ZNRF3: variants seen among roughly 807,000 people sequenced by gnomAD.
ZNRF3 encodes zinc and ring finger 3, also known as E3 ubiquitin-protein ligase ZNRF3.
ZNRF3 carries 23 observed loss-of-function variants against 72.5 expected under a neutral mutation model. The observed-to-expected ratio is 0.32, with a 90% CI of 0.23 to 0.45. ZNRF3 has a LOEUF of 0.45. ZNRF3 is among the 20% of genes least tolerant of loss of function. The pLI is 1.00. For missense variants in ZNRF3, 1,169 were observed against 1,272.1 expected (o/e 0.92, Z 1.23); for synonymous variants, 610 against 545.3 (o/e 1.12, Z -1.65).
chr22:29,043,218 C>T, intron 3 of ZNRF3, 81 bp from the exon 4 acceptor site: 2 of 1,478,940 alleles, frequency 1.4e-6, no homozygotes, highest in Non-Finnish European at 9.1e-7. Context: ...ATTCAGTGTT[C>T]CTTCCCTCCA....
At chr22:28,989,944 T>G (rs78312040) in intron 2 of ZNRF3, among the ~76,000 whole-genome samples, 29 of 152,380 alleles carry the variant, frequency 1.9e-4, no homozygotes, top group African/African-American at 7.0e-4. Flanking sequence ...CTCAGTTTAT[T>G]ACTGAGTGCT....
intron 1 of ZNRF3, among the ~76,000 whole-genome samples, chr22:28,907,069 G>A (rs1302342725): frequency 1.4e-5 from 2 of 148,116 alleles, no homozygotes; most frequent in African/African-American, 2.5e-5. Flanking sequence ...TGCAACCTCC[G>A]CCTCCCGGGT....
At chr22:28,955,228 C>T (rs1434369951) in intron 1 of ZNRF3, among the ~76,000 whole-genome samples, 1 of 147,914 alleles carries the variant, frequency 6.8e-6, no homozygotes. Flanking sequence ...TGTTTTGTAG[C>T]GATGGAGTCT....
At chr22:29,015,564 G>A (rs1406232929) in intron 2 of ZNRF3, among the ~76,000 whole-genome samples, 4 of 151,844 alleles carry the variant, frequency 2.6e-5, no homozygotes, top group African/African-American at 9.7e-5. Flanking sequence ...CAGCTACTCA[G>A]GAGGCTGAGG....
intron 1 of ZNRF3, among the ~76,000 whole-genome samples, chr22:28,915,819 G>A (rs2034397331): frequency 6.6e-6 from 1 of 152,182 alleles, no homozygotes; most frequent in Admixed American, 6.5e-5. Context: ...TTTTGCCTGA[G>A]TAGGTCTGAC....
intron 1 of ZNRF3, among the ~76,000 whole-genome samples, chr22:28,905,034 C>T (rs1395557532): frequency 1.3e-5 from 2 of 151,560 alleles, no homozygotes; most frequent in Non-Finnish European, 2.9e-5. Flanking sequence ...TTGATCTCCT[C>T]AAGTGATCCT....
chr22:28,913,212 A>G (rs913369636), intron 1 of ZNRF3, among the ~76,000 whole-genome samples: 5 of 152,234 alleles, frequency 3.3e-5, no homozygotes, highest in Admixed American at 2.6e-4. Flanking sequence ...GATCTATGCT[A>G]TGCATTAATG....
chr22:28,913,648 G>T (rs562310316), intron 1 of ZNRF3, among the ~76,000 whole-genome samples: 3 of 152,276 alleles, frequency 2.0e-5, no homozygotes, highest in African/African-American at 7.2e-5. Context: ...GGGTGATGGG[G>T]TATAGGGAGT....
chr22:29,042,632 CT>C (rs2036985886), intron 3 of ZNRF3, 63 bp downstream of exon 3: 2 of 1,465,156 alleles, frequency 1.4e-6, no homozygotes, highest in Non-Finnish European at 1.9e-6. Flanking sequence ...CTTTAGTGAG[CT>C]TGGCTTGTCC....
chr22:29,004,942 G>A (rs1458709549), intron 2 of ZNRF3, among the ~76,000 whole-genome samples: 5 of 152,228 alleles, frequency 3.3e-5, no homozygotes, highest in African/African-American at 4.8e-5. Flanking sequence ...TTCATTGGCC[G>A]GATTTTCCTA....
At chr22:29,021,474 C>T (rs1486911304) in intron 2 of ZNRF3, among the ~76,000 whole-genome samples, 1 of 147,050 alleles carries the variant, frequency 6.8e-6, no homozygotes, top group African/African-American at 2.5e-5. Flanking sequence ...ATTCTCCCCT[C>T]ACTCCTTGTT....
chr22:28,901,674 T>C (rs1484876578), intron 1 of ZNRF3, among the ~76,000 whole-genome samples: 2 of 141,322 alleles, frequency 1.4e-5, no homozygotes, highest in Non-Finnish European at 3.0e-5. Context: ...AGTCTTGCTC[T>C]CTCACTCAGA....
chr22:29,005,319 C>G (rs2036221891), intron 2 of ZNRF3, among the ~76,000 whole-genome samples: 1 of 152,260 alleles, frequency 6.6e-6, no homozygotes, highest in Non-Finnish European at 1.5e-5. Flanking sequence ...TGGATGCACA[C>G]ACACTTGTGG....
At position 28,961,438 on chromosome 22, in the gene ZNRF3, GA is replaced by G. The variant is rs1217060568; in HGVS notation, c.301-25635del. Among the ~76,000 whole-genome samples the G allele has an allele frequency of 2.0e-5, 3 of 152,318 alleles. No homozygotes were observed. The East Asian group carries it at 5.8e-4, about 29-fold the overall frequency. On this transcript the variant is annotated intron_variant, in intron 1 of 8. Coordinates refer to ENST00000544604, the MANE Select transcript of ZNRF3 (RefSeq NM_001206998.2). ...GTCAAAATATGGACAGTATTCAGAG[GA>G]AACAGTGATAGTGAGCTGGAGGGTT...
chr22:28,963,547 T>C (rs1319415685), intron 1 of ZNRF3, among the ~76,000 whole-genome samples: 1 of 152,170 alleles, frequency 6.6e-6, no homozygotes, highest in Non-Finnish European at 1.5e-5. Context: ...AGTATGACCT[T>C]GGGCAAGTGG....
chr22:29,043,574 T>C, intron 4 of ZNRF3, 144 bp downstream of exon 4: 1 of 989,780 alleles, frequency 1.0e-6, no homozygotes. Flanking sequence ...GCTATTGGAC[T>C]CAAGGCCAGG....
intron 1 of ZNRF3, among the ~76,000 whole-genome samples, chr22:28,904,224 G>A (rs546252676): frequency 1.3e-5 from 2 of 152,234 alleles, no homozygotes; most frequent in Non-Finnish European, 2.9e-5. Flanking sequence ...AAGTCCTAAG[G>A]TGCTATTTTA....
chr22:28,961,045 C>T (rs1455876498), intron 1 of ZNRF3, among the ~76,000 whole-genome samples: 1 of 152,198 alleles, frequency 6.6e-6, no homozygotes, highest in Non-Finnish European at 1.5e-5. Context: ...CTGGGTGATT[C>T]ATAAAAGAAA....
intron 2 of ZNRF3, among the ~76,000 whole-genome samples, chr22:28,999,538 C>T (rs904521027): frequency 2.6e-5 from 4 of 152,148 alleles, no homozygotes; most frequent in African/African-American, 9.7e-5. Context: ...AGAGGAAGTA[C>T]CAGTATCGGG....
Sources: gnomAD v4.1 joint callset for allele counts (sites outside exome capture counted in the v4.1 genomes callset) on GRCh38, gnomAD v4.1.1 for gene constraint, MANE v1.5 for transcripts, NCBI Gene and HGNC (gene_info 2026-07-23, HGNC 2026-07-21) for gene names.